Variants in PABPC4L observed in about 807,000 individuals in gnomAD.
PABPC4L encodes polyadenylate-binding protein 4-like.
For missense variants in PABPC4L, 452 were observed against 451.4 expected (o/e 1.00, Z -0.01); for synonymous variants, 169 against 164.1 (o/e 1.03, Z -0.23).
At chr4:134,052,535 T>C in the PABPC4L span, among the ~76,000 whole-genome samples, 1 of 152,090 alleles carries the variant, frequency 6.6e-6, no homozygotes, top group Non-Finnish European at 1.5e-5. Flanking sequence ...CATTATGTGT[T>C]CCGTGATGTG....
At chr4:134,092,223 C>T in the PABPC4L span, among the ~76,000 whole-genome samples, 19 of 152,036 alleles carry the variant, frequency 1.2e-4, no homozygotes, top group Admixed American at 2.6e-4. Context: ...TCCAAAACCA[C>T]CCAGGCCTGC....
chr4:134,073,132 A>C, the PABPC4L span, among the ~76,000 whole-genome samples: 1 of 152,280 alleles, frequency 6.6e-6, no homozygotes, highest in Non-Finnish European at 1.5e-5. Flanking sequence ...TTAAAAGTCC[A>C]AGTCCAAAGT....
rs1256641392 is a variant in PABPC4L, at chr4:134,198,418, A to G, written c.*1489T>C. ...TGCAAAGAATATACATATAATTTCT[A>G]TAAAAATAAAAGGCAACAAATTTTT... On this transcript the variant is annotated 3_prime_UTR_variant, in exon 2 of 2. Coordinates refer to ENST00000421491, the MANE Select transcript of PABPC4L (RefSeq NM_001114734.2). The G allele has an allele frequency of 1.3e-5, 2 of 151,710 alleles. No individual in the cohort carries two copies. Among genetic ancestry groups the G allele is most frequent in the African/African-American group, 2.4e-5 (1 of 41,444 alleles). The allele number at this position is 151,710 out of a possible 1,614,324, so 9.4% of individuals were successfully genotyped here.
chr4:134,133,701 G>A, the PABPC4L span, among the ~76,000 whole-genome samples: 2 of 151,688 alleles, frequency 1.3e-5, no homozygotes, highest in African/African-American at 2.4e-5. Flanking sequence ...GGGTGGAAGG[G>A]GTGTAAGGGA....
chr4:134,102,883 T>C, the PABPC4L span, among the ~76,000 whole-genome samples: 2 of 151,568 alleles, frequency 1.3e-5, no homozygotes, highest in Admixed American at 6.6e-5. Context: ...TTTCTACCTA[T>C]ATGGATGTAT....
At chr4:134,091,034 T>C in the PABPC4L span, among the ~76,000 whole-genome samples, 1 of 151,956 alleles carries the variant, frequency 6.6e-6, no homozygotes, top group African/African-American at 2.4e-5. Context: ...TGCAGTGATA[T>C]AAGAAAAAAA....
downstream of PABPC4L, among the ~76,000 whole-genome samples, chr4:134,195,410 A>G (rs1417060784): frequency 6.6e-6 from 1 of 151,812 alleles, no homozygotes; most frequent in East Asian, 1.9e-4. Context: ...TGTAAAAACA[A>G]AAAATGAATT....
At chr4:134,059,309 T>G in the PABPC4L span, among the ~76,000 whole-genome samples, 2 of 150,926 alleles carry the variant, frequency 1.3e-5, no homozygotes, top group Non-Finnish European at 3.0e-5. Context: ...GAGTAAAGTC[T>G]TATCATACAA....
the PABPC4L span, among the ~76,000 whole-genome samples, chr4:134,000,944 C>T: frequency 4.6e-5 from 7 of 152,188 alleles, no homozygotes; most frequent in South Asian, 1.5e-3. Context: ...TCTTGGCTTC[C>T]ATAATCTCAG....
chr4:133,987,972 G>A, the PABPC4L span, among the ~76,000 whole-genome samples: 827 of 152,196 alleles, frequency 5.4e-3, 4 homozygotes, highest in African/African-American at 0.019. Context: ...TTCACATGGT[G>A]GCAGCAAGAA....
the PABPC4L span, among the ~76,000 whole-genome samples, chr4:134,135,477 T>G: frequency 6.6e-6 from 1 of 152,248 alleles, no homozygotes; most frequent in Non-Finnish European, 1.5e-5. Flanking sequence ...CATTAAAGTA[T>G]ATTAAAGACA....
chr4:134,085,275 G>A, the PABPC4L span, among the ~76,000 whole-genome samples: 1 of 151,890 alleles, frequency 6.6e-6, no homozygotes, highest in Non-Finnish European at 1.5e-5. Context: ...ACTTTAAAAA[G>A]TTGGAGTATG....
At chr4:134,116,921 T>A in the PABPC4L span, among the ~76,000 whole-genome samples, 1 of 151,752 alleles carries the variant, frequency 6.6e-6, no homozygotes, top group South Asian at 2.1e-4. Flanking sequence ...CAATAAGATC[T>A]TTGTATGTTT....
the PABPC4L span, among the ~76,000 whole-genome samples, chr4:134,178,523 G>A: frequency 5.9e-5 from 9 of 151,996 alleles, no homozygotes; most frequent in Admixed American, 5.9e-4. Flanking sequence ...TCGTTCACCA[G>A]CAATGGTTCT....
At chr4:134,111,141 C>T in the PABPC4L span, among the ~76,000 whole-genome samples, 1 of 152,012 alleles carries the variant, frequency 6.6e-6, no homozygotes, top group African/African-American at 2.4e-5. Flanking sequence ...GCCTTGAATA[C>T]TGCATCCTCC....
At chr4:133,996,432 G>T in the PABPC4L span, among the ~76,000 whole-genome samples, 4 of 152,194 alleles carry the variant, frequency 2.6e-5, no homozygotes, top group South Asian at 2.1e-4. Flanking sequence ...CGAGACGAAG[G>T]CTCCACTAGC....
At chr4:134,187,120 C>G in the PABPC4L span, among the ~76,000 whole-genome samples, 25 of 152,006 alleles carry the variant, frequency 1.6e-4, 1 homozygote, top group Middle Eastern at 3.4e-3. Flanking sequence ...TCAACCATTG[C>G]GGAAGACAGT....
the PABPC4L span, among the ~76,000 whole-genome samples, chr4:134,136,675 A>G: frequency 6.6e-6 from 1 of 152,030 alleles, no homozygotes; most frequent in Non-Finnish European, 1.5e-5. Flanking sequence ...ATATATTACA[A>G]TATTCCTTTA....
the PABPC4L span, among the ~76,000 whole-genome samples, chr4:134,077,547 T>A: frequency 6.6e-6 from 1 of 152,146 alleles, no homozygotes; most frequent in Admixed American, 6.6e-5. Context: ...AAACAAGATA[T>A]CCTTTTGGAG....
Sources: allele counts gnomAD v4.1 joint callset (sites outside exome capture counted in the v4.1 genomes callset), GRCh38; gene constraint gnomAD v4.1.1; transcripts MANE v1.5; gene names NCBI Gene and HGNC (gene_info 2026-07-23, HGNC 2026-07-21).